Variants in ATAD2B observed in about 807,000 individuals in gnomAD.
ATAD2B encodes the protein ATPase family AAA domain containing 2B, also known as ATPase family AAA domain-containing protein 2B.
ATAD2B carries 40 observed loss-of-function variants against 167.6 expected under a neutral mutation model. The observed-to-expected ratio is 0.24, with a 90% CI of 0.19 to 0.31. The LOEUF (loss-of-function observed/expected upper bound fraction) is 0.31. ATAD2B is among the 10% of genes least tolerant of loss of function. The pLI, the probability that ATAD2B is intolerant of heterozygous loss-of-function variation, is 1.00. For synonymous variants in ATAD2B, 579 were observed against 596.5 expected, an observed-to-expected ratio of 0.97 and a Z score of 0.43; for missense variants, 1,242 against 1,757.2, an observed-to-expected ratio of 0.71 and a Z score of 5.24.
chr2:23,727,942 T>C, the ATAD2B span, among the ~76,000 whole-genome samples: 2 of 151,834 alleles, frequency 1.3e-5, no homozygotes, highest in Admixed American at 6.6e-5. Context: ...AAGGGAGTTT[T>C]AGGGCAGCAA....
the ATAD2B span, among the ~76,000 whole-genome samples, chr2:23,727,952 A>C: frequency 1.3e-5 from 2 of 150,982 alleles, no homozygotes; most frequent in South Asian, 4.2e-4. Flanking sequence ...TAGGGCAGCA[A>C]AACTATTCTG....
chr2:23,897,539 C>T (rs1037570854), intron 1 of ATAD2B, among the ~76,000 whole-genome samples: 3 of 152,170 alleles, frequency 2.0e-5, no homozygotes, highest in Admixed American at 1.3e-4. Context: ...TAACAGAGAG[C>T]TTAACCTGTC....
intron 14 of ATAD2B, among the ~76,000 whole-genome samples, chr2:23,832,999 G>T (rs914595704): frequency 2.0e-5 from 3 of 152,176 alleles, no homozygotes; most frequent in Non-Finnish European, 4.4e-5. Flanking sequence ...TGAAAATAAT[G>T]CTGTATATGC....
At chr2:23,754,408 T>C in intron 26 of ATAD2B, 101 bp from the exon 27 acceptor site, 10 of 1,275,556 alleles carry the variant, frequency 7.8e-6, no homozygotes, top group Admixed American at 2.8e-5. Context: ...AAAGCGAGGA[T>C]GTAACAGTGA....
intron 19 of ATAD2B, among the ~76,000 whole-genome samples, chr2:23,791,877 A>G (rs996180577): frequency 2.0e-5 from 3 of 152,064 alleles, no homozygotes; most frequent in Non-Finnish European, 2.9e-5. Context: ...CCTGCTTTCA[A>G]TTCTTTTGAG....
At chr2:23,692,788 C>A in the ATAD2B span, among the ~76,000 whole-genome samples, 568 of 152,142 alleles carry the variant, frequency 3.7e-3, 5 homozygotes, top group African/African-American at 0.013. Flanking sequence ...CAGAGCCTAG[C>A]GAGCCAGATT....
At chr2:23,777,497 T>C (rs1679340524) in intron 22 of ATAD2B, among the ~76,000 whole-genome samples, 1 of 152,146 alleles carries the variant, frequency 6.6e-6, no homozygotes, top group African/African-American at 2.4e-5. Context: ...ATGAGTGAGT[T>C]TGGTTGAAAC....
intron 1 of ATAD2B, among the ~76,000 whole-genome samples, chr2:23,909,936 C>T (rs1702033113): frequency 6.6e-6 from 1 of 151,584 alleles, no homozygotes; most frequent in Non-Finnish European, 1.5e-5. Flanking sequence ...GATCATAACT[C>T]ACTACAGCCT....
chr2:23,811,871 C>T lies in ATAD2B; in HGVS notation c.2268-1369G>A, dbSNP rs375388829. Among the ~76,000 whole-genome samples the T allele has an allele frequency of 2.0e-5, 3 of 151,710 alleles. No individual in the cohort carries two copies. The South Asian group carries it at 6.2e-4, about 32-fold the overall frequency. ...AAAATAACAAATATATATATATATA[C>T]ATAAACTTCTTCCAACACAAATTTT... On this transcript the variant is annotated intron_variant, in intron 17 of 27. Coordinates refer to ENST00000238789, the MANE Select transcript of ATAD2B (RefSeq NM_017552.4).
At chr2:23,865,461 G>A (rs1054805256) in intron 10 of ATAD2B, among the ~76,000 whole-genome samples, 8 of 151,624 alleles carry the variant, frequency 5.3e-5, no homozygotes, top group East Asian at 3.9e-4. Flanking sequence ...CCTGGGAGGC[G>A]GAGGTTGCAG....
chr2:23,716,092 T>C, the ATAD2B span, among the ~76,000 whole-genome samples: 1 of 152,244 alleles, frequency 6.6e-6, no homozygotes, highest in Non-Finnish European at 1.5e-5. Context: ...CAACACTTTC[T>C]CAAGAAACGT....
At chr2:23,852,795 T>C (rs1301126230) in intron 13 of ATAD2B, among the ~76,000 whole-genome samples, 1 of 151,850 alleles carries the variant, frequency 6.6e-6, no homozygotes, top group Admixed American at 6.6e-5. Context: ...GGCAGACACC[T>C]GTAATGCCAG....
the ATAD2B span, among the ~76,000 whole-genome samples, chr2:23,725,207 G>T: frequency 6.6e-6 from 1 of 152,150 alleles, no homozygotes; most frequent in African/African-American, 2.4e-5. Flanking sequence ...AGAATTCTAG[G>T]TCTGGTGAAC....
At chr2:23,715,768 A>C in the ATAD2B span, among the ~76,000 whole-genome samples, 1 of 152,208 alleles carries the variant, frequency 6.6e-6, no homozygotes, top group African/African-American at 2.4e-5. Context: ...GAAACATTCC[A>C]AAGATTTGTG....
At chr2:23,737,141 AAGAC>A in the ATAD2B span, among the ~76,000 whole-genome samples, 1 of 152,326 alleles carries the variant, frequency 6.6e-6, no homozygotes, top group South Asian at 2.1e-4. Context: ...GACAAACAAA[AAGAC>A]AGCAGTAACC....
chr2:23,881,360 CTTTT>C (rs11361642), intron 6 of ATAD2B, among the ~76,000 whole-genome samples: 6 of 80,204 alleles, frequency 7.5e-5, no homozygotes, highest in Non-Finnish European at 9.4e-5. Context: ...GTGATCAATT[CTTTT>C]TTTTTTTTTT....
At chr2:23,730,645 G>A in the ATAD2B span, among the ~76,000 whole-genome samples, 16 of 95,092 alleles carry the variant, frequency 1.7e-4, no homozygotes, top group Admixed American at 5.5e-4. Flanking sequence ...CAGCCCGGGT[G>A]ACAGAGCAAG....
At chr2:23,875,085 A>G (rs996686098) in intron 8 of ATAD2B, among the ~76,000 whole-genome samples, 2 of 149,368 alleles carry the variant, frequency 1.3e-5, no homozygotes, top group African/African-American at 4.9e-5. Context: ...AATCAGGGGG[A>G]AAAAGTATCA....
intron 21 of ATAD2B, among the ~76,000 whole-genome samples, chr2:23,784,291 G>A (rs1453026840): frequency 6.6e-6 from 1 of 151,792 alleles, no homozygotes; most frequent in African/African-American, 2.4e-5. Context: ...AGTCTGCTTT[G>A]GAATTTGATA....
Sources: allele counts gnomAD v4.1 joint callset (sites outside exome capture counted in the v4.1 genomes callset), GRCh38; gene constraint gnomAD v4.1.1; transcripts MANE v1.5; gene names NCBI Gene and HGNC (gene_info 2026-07-23, HGNC 2026-07-21).